MMP16: variants seen among roughly 807,000 people sequenced by gnomAD.
MMP16 encodes the protein matrix metalloproteinase-16.
A neutral mutation model predicts 67.8 loss-of-function variants in MMP16; 12 were observed. The observed-to-expected ratio is 0.18, with a 90% CI of 0.11 to 0.29. The LOEUF (loss-of-function observed/expected upper bound fraction) is 0.29. Among genes scored for constraint, MMP16 ranks in the 10% least tolerant of loss-of-function variants. The pLI, the probability that MMP16 is intolerant of heterozygous loss-of-function variation, is 1.00. For synonymous variants in MMP16, 249 were observed against 255.9 expected, an observed-to-expected ratio of 0.97 and a Z score of 0.26; for missense variants, 475 against 765.7, an observed-to-expected ratio of 0.62 and a Z score of 4.48.
At chr8:88,238,734 A>G (rs1280383573) in intron 1 of MMP16, among the ~76,000 whole-genome samples, 1 of 151,348 alleles carries the variant, frequency 6.6e-6, no homozygotes, top group African/African-American at 2.4e-5. Context: ...TTTATACTGC[A>G]TATGTGTATT....
intron 1 of MMP16, among the ~76,000 whole-genome samples, chr8:88,319,054 A>G (rs150944509): frequency 5.9e-5 from 9 of 152,272 alleles, no homozygotes; most frequent in Non-Finnish European, 1.2e-4. Flanking sequence ...TAAAGATCAC[A>G]TATCCATTAC....
intron 1 of MMP16, among the ~76,000 whole-genome samples, chr8:88,216,755 T>C (rs965491092): frequency 2.4e-4 from 37 of 152,162 alleles, no homozygotes; most frequent in Non-Finnish European, 5.0e-4. Context: ...ATCTATCAGA[T>C]GGCATTTGAT....
In MMP16 at chr8:88,211,174, G is replaced by T. The variant is rs565370203; in HGVS notation, c.133-13868C>A. ...AGGATGATCTACACAGGCCACTCTA[G>T]CTCAGAAATCCACTGTCTGGTTTCA... On this transcript the variant is annotated intron_variant, in intron 1 of 9. Coordinates refer to ENST00000286614, the MANE Select transcript of MMP16 (RefSeq NM_005941.5). Among the ~76,000 whole-genome samples, 5 of 152,212 alleles carry T rather than the reference G, an allele frequency of 3.3e-5. No homozygotes were observed. In the East Asian group the frequency reaches 5.8e-4, roughly 18 times the overall value.
At chr8:88,093,099 T>G (rs1171667278) in intron 6 of MMP16, among the ~76,000 whole-genome samples, 1 of 151,908 alleles carries the variant, frequency 6.6e-6, no homozygotes, top group African/African-American at 2.4e-5. Context: ...AAAAGCAGAT[T>G]TTGGTCAGGG....
At chr8:88,283,612 C>G (rs1317402719) in intron 1 of MMP16, among the ~76,000 whole-genome samples, 1 of 152,116 alleles carries the variant, frequency 6.6e-6, no homozygotes, top group Non-Finnish European at 1.5e-5. Flanking sequence ...CTATAATATC[C>G]TTTAGAAATG....
In MMP16 at chr8:88,146,393, C is replaced by G. The variant is rs1808290018; in HGVS notation, c.709+21276G>C. ...GTATTTTTGTCCTTATTCTACTCTT[C>G]TACCTCCCTCAAAACTAATCACTAT... On this transcript the variant is annotated intron_variant, in intron 4 of 9. Coordinates refer to ENST00000286614, the MANE Select transcript of MMP16 (RefSeq NM_005941.5). 3.9e-5 allele frequency among the ~76,000 whole-genome samples: 6 copies of G among 152,064 alleles called. No homozygotes were observed. The South Asian group carries it at 1.2e-3, about 31-fold the overall frequency.
rs1312845283 is a variant in MMP16, at chr8:88,047,457, G to A, written c.1374-673C>T. 2.0e-5 allele frequency among the ~76,000 whole-genome samples: 3 copies of A among 152,168 alleles called. No homozygotes were observed. The East Asian group carries it at 5.8e-4, about 29-fold the overall frequency. On this transcript the variant is annotated intron_variant, in intron 8 of 9. Coordinates refer to ENST00000286614, the MANE Select transcript of MMP16 (RefSeq NM_005941.5). ...CAAAGCAGATAAGAGTTATCTAGGA[G>A]TATCTGAAGTCATGTTAAATTGGTG...
chr8:88,082,679 A>G (rs1158825815), intron 6 of MMP16, among the ~76,000 whole-genome samples: 1 of 152,086 alleles, frequency 6.6e-6, no homozygotes, highest in Non-Finnish European at 1.5e-5. Flanking sequence ...ATAGCACAGA[A>G]ACTAATATAA....
intron 1 of MMP16, among the ~76,000 whole-genome samples, chr8:88,221,496 T>G (rs1237152400): frequency 6.6e-6 from 1 of 151,942 alleles, no homozygotes; most frequent in Non-Finnish European, 1.5e-5. Context: ...AAAAGAGCCA[T>G]GCAGTAACTG....
chr8:88,148,903 T>C (rs1808342843), intron 4 of MMP16, among the ~76,000 whole-genome samples: 2 of 152,174 alleles, frequency 1.3e-5, no homozygotes, highest in South Asian at 4.2e-4. Context: ...GCTCCCAGCG[T>C]GAGCGACGCA....
At chr8:88,191,975 G>A (rs1213684469) in intron 2 of MMP16, among the ~76,000 whole-genome samples, 2 of 152,138 alleles carry the variant, frequency 1.3e-5, no homozygotes, top group Non-Finnish European at 2.9e-5. Context: ...TACATATGTT[G>A]TACTTTATCA....
intron 1 of MMP16, among the ~76,000 whole-genome samples, chr8:88,202,263 AG>A (rs989732651): frequency 1.3e-5 from 2 of 152,240 alleles, no homozygotes; most frequent in African/African-American, 4.8e-5. Flanking sequence ...TCATTTGGAC[AG>A]GAAGAGAAGA....
chr8:88,324,698 G>A (rs1811511046), intron 1 of MMP16, among the ~76,000 whole-genome samples: 1 of 152,094 alleles, frequency 6.6e-6, no homozygotes, highest in Admixed American at 6.6e-5. Flanking sequence ...CACAATGTAA[G>A]TGCCTCTTCT....
intron 9 of MMP16, among the ~76,000 whole-genome samples, chr8:88,045,718 T>C (rs1808191290): frequency 1.3e-5 from 2 of 152,082 alleles, no homozygotes; most frequent in African/African-American, 4.8e-5. Flanking sequence ...AGTATGATTT[T>C]TCATTTTCCC....
chr8:88,100,768 A>C (rs2118376645), intron 6 of MMP16, among the ~76,000 whole-genome samples: 1 of 152,174 alleles, frequency 6.6e-6, no homozygotes, highest in African/African-American at 2.4e-5. Context: ...AAAATGTGGC[A>C]CATATACACC....
intron 1 of MMP16, among the ~76,000 whole-genome samples, chr8:88,321,745 T>A (rs1480040456): frequency 6.6e-6 from 1 of 152,204 alleles, no homozygotes; most frequent in African/African-American, 2.4e-5. Context: ...CTTCTAGGCT[T>A]ACGACTATAA....
chr8:88,282,791 A>G (rs1271730093), intron 1 of MMP16, among the ~76,000 whole-genome samples: 1 of 152,206 alleles, frequency 6.6e-6, no homozygotes, highest in Non-Finnish European at 1.5e-5. Flanking sequence ...GCATTCTTCA[A>G]TAGAATCACA....
At chr8:88,237,542 G>T (rs975110700) in intron 1 of MMP16, among the ~76,000 whole-genome samples, 7 of 151,486 alleles carry the variant, frequency 4.6e-5, no homozygotes, top group Admixed American at 4.6e-4. Context: ...CCAGCTACTC[G>T]GGAGGCTGAA....
chr8:88,311,457 C>CA (rs1196006851), intron 1 of MMP16, among the ~76,000 whole-genome samples: 1 of 152,058 alleles, frequency 6.6e-6, no homozygotes, highest in African/African-American at 2.4e-5. Context: ...AGTGTGAATG[C>CA]ATAAGGAGAT....
Sources: gnomAD v4.1 joint callset for allele counts (sites outside exome capture counted in the v4.1 genomes callset) on GRCh38, gnomAD v4.1.1 for gene constraint, MANE v1.5 for transcripts, NCBI Gene and HGNC (gene_info 2026-07-23, HGNC 2026-07-21) for gene names.